Variants in KNTC1 observed in about 807,000 individuals in gnomAD.
KNTC1 encodes kinetochore associated 1.
Under a neutral mutation model 314.4 loss-of-function variants are expected in KNTC1, and 253 were observed. The ratio of observed to expected loss-of-function variants is 0.80; its 90% confidence interval spans 0.73 to 0.89. The LOEUF is 0.89. Ranked by LOEUF, KNTC1 falls within the 40% of genes least tolerant of loss-of-function variation. The pLI is 0.00. For synonymous variants in KNTC1, 901 were observed against 901.4 expected (o/e 1.00, Z 0.01); for missense variants, 2,475 against 2,572.9 (o/e 0.96, Z 0.82).
At position 122,572,977 on chromosome 12, in the gene KNTC1, C is replaced by T; in HGVS notation, c.2060C>T (p.Thr687Ile). The T allele has an allele frequency of 6.2e-7, 1 of 1,604,296 alleles. No individual in the cohort carries two copies. Among genetic ancestry groups the T allele is most frequent in the Non-Finnish European group, 8.5e-7 (1 of 1,173,618 alleles). Residue 687 changes from threonine (T) to isoleucine (I), a missense_variant, in exon 25 of 64, where the codon ACT becomes ATT. Thr to Ile is a moderately conservative substitution (Grantham distance 89). Coordinates refer to ENST00000333479, the MANE Select transcript of KNTC1 (RefSeq NM_014708.6). ...ACAGAGGAAGTATGTCAGCTAAGGA[C>T]TTTGGTAAATAACTTGCGAGAGTTG... ...QNTEEVCQLR[T>I]LVNNLRELIT...
intron 45 of KNTC1, chr12:122,602,346 G>T: frequency 2.7e-6 from 1 of 373,210 alleles, no homozygotes; most frequent in Non-Finnish European, 4.7e-6. Context: ...ACCAACAACA[G>T]GGCACCAGTG....
chr12:122,621,293 A>T (rs965660526), intron 60 of KNTC1, among the ~76,000 whole-genome samples: 21 of 151,564 alleles, frequency 1.4e-4, no homozygotes, highest in African/African-American at 4.9e-4. Flanking sequence ...CTGCAGGTAG[A>T]TATACCAGTA....
At position 122,579,994 on chromosome 12, in the gene KNTC1, T is replaced by G; in HGVS notation, c.2914+17T>G. 1 of 1,542,326 alleles carries G rather than the reference T, an allele frequency of 6.5e-7. No individual in the cohort carries two copies. The highest frequency in any genetic ancestry group is 9.0e-7 in the Non-Finnish European group (1 of 1,115,608). On this transcript the variant is annotated intron_variant, in intron 32 of 63. Transcript: ENST00000333479. ...TTCAGAAAGGTAGCTTTTACTTCTGTTTTCTCATCTCAGTTTTGTTCCAAA... is the reference window on the plus strand; with the variant it reads ...TTCAGAAAGGTAGCTTTTACTTCTGGTTTCTCATCTCAGTTTTGTTCCAAA...
At chr12:122,572,020 A>G (rs143378089) in intron 24 of KNTC1, among the ~76,000 whole-genome samples, 115 of 152,114 alleles carry the variant, frequency 7.6e-4, no homozygotes, top group African/African-American at 2.6e-3. Context: ...AACCAACCAA[A>G]AGGGGAACTA....
At chr12:122,585,508 C>A in intron 36 of KNTC1, 128 bp from the exon 37 acceptor site, 2 of 986,508 alleles carry the variant, frequency 2.0e-6, no homozygotes, top group Non-Finnish European at 3.0e-6. Context: ...TCCAGCAAGG[C>A]CTCCCTCGAC....
intron 34 of KNTC1, 23 bp from the exon 35 acceptor site, chr12:122,584,255 C>T (rs750961563): frequency 8.3e-6 from 13 of 1,570,788 alleles, no homozygotes; most frequent in African/African-American, 1.4e-5. Context: ...ATTCTAACTA[C>T]CAATACTTTC....
chr12:122,583,403 T>A (rs764449937), intron 34 of KNTC1, among the ~76,000 whole-genome samples: 2 of 152,198 alleles, frequency 1.3e-5, no homozygotes, highest in Non-Finnish European at 2.9e-5. Context: ...TCAGAGCATA[T>A]TTTGGGCCTC....
intron 59 of KNTC1, among the ~76,000 whole-genome samples, chr12:122,619,401 G>A (rs1166476651): frequency 6.9e-6 from 1 of 145,364 alleles, no homozygotes; most frequent in African/African-American, 2.6e-5. Flanking sequence ...GAGGCACTGC[G>A]CCCAGCAACA....
intron 13 of KNTC1, among the ~76,000 whole-genome samples, chr12:122,550,440 G>A (rs1052273277): frequency 1.3e-5 from 2 of 150,520 alleles, no homozygotes; most frequent in Non-Finnish European, 3.0e-5. Context: ...TTACTTTAAA[G>A]CTATTTTTTT....
chr12:122,548,090 A>C (rs1217190957), intron 12 of KNTC1, 121 bp downstream of exon 12: 3 of 562,418 alleles, frequency 5.3e-6, no homozygotes, highest in African/African-American at 4.0e-5. Flanking sequence ...GAAACTTGAC[A>C]ATCAGAAATA....
rs1382732751 is a variant in KNTC1, at chr12:122,557,368, C to T, written c.1273-16C>T. On this transcript the variant is annotated splice_polypyrimidine_tract_variant and intron_variant, in intron 16 of 63. Transcript: ENST00000333479. ...TTGTACTTCAAATTGCTTGATGTGG[C>T]GTGTTTATATTACAGCTTGTTTACA... The T allele has an allele frequency of 2.5e-6, 4 of 1,605,388 alleles. No homozygotes were observed. The highest frequency in any genetic ancestry group is 2.2e-5 in the South Asian group (2 of 89,746).
chr12:122,587,863 T>C lies in KNTC1; in HGVS notation c.3883T>C (p.Leu1295=), dbSNP rs753537256. ...HSVSNFMNAT[L]SEKLFGETTL... ...TGTGTCAAACTTCATGAATGCCACT[T>C]TGAGTGAAAAGGTATAGTGTCAAGA... is the stretch of plus-strand genomic sequence containing the variant. Residue 1295 remains leucine (L), a synonymous_variant, in exon 39 of 64, where the codon TTG becomes CTG. Coordinates refer to ENST00000333479, the MANE Select transcript of KNTC1 (RefSeq NM_014708.6). 1 of 1,613,462 alleles carries C rather than the reference T, an allele frequency of 6.2e-7. No individual in the cohort carries two copies. The highest frequency in any genetic ancestry group is 1.1e-5 in the South Asian group (1 of 90,934).
At chr12:122,579,824 T>C (rs1315509018) in intron 31 of KNTC1, 81 bp from the exon 32 acceptor site, 1 of 908,562 alleles carries the variant, frequency 1.1e-6, no homozygotes, top group Non-Finnish European at 1.7e-6. Context: ...GCTTCTGTGG[T>C]TTTTGTGTAT....
chr12:122,549,684 C>A, intron 12 of KNTC1, 82 bp from the exon 13 acceptor site: 1 of 742,286 alleles, frequency 1.3e-6, no homozygotes, highest in Non-Finnish European at 2.4e-6. Context: ...GTGTTTTAAT[C>A]TGCTCTTAAT....
At chr12:122,563,640 G>T in intron 20 of KNTC1, 1 of 564,612 alleles carries the variant, frequency 1.8e-6, no homozygotes, top group Non-Finnish European at 2.6e-6. Context: ...AGCGAGAAGG[G>T]CAGATCTCCA....
intron 19 of KNTC1, among the ~76,000 whole-genome samples, 157 bp from the exon 20 acceptor site, chr12:122,562,467 GTGTGTGTGTGTGTA>G (rs1964039157): frequency 1.5e-5 from 2 of 134,078 alleles, no homozygotes; most frequent in African/African-American, 5.2e-5. Flanking sequence ...GTGTGTGTGT[GTGTGTGTGTGTGTA>G]TGTGTGTGAA....
rs1869159493 is a variant in KNTC1, at chr12:122,585,634, A to G, written c.3535-2A>G. 1.2e-6 allele frequency: 2 copies of G among 1,613,578 alleles called. No individual in the cohort carries two copies. The highest frequency in any genetic ancestry group is 1.1e-5 in the South Asian group (1 of 91,062). On this transcript the variant is annotated splice_acceptor_variant, in intron 36 of 63. Transcript: ENST00000333479. LOFTEE classifies it high-confidence loss of function. ...CTCTTTTTTGTATGATTTGGCACCT[A>G]GGCTTCTTTTGGGACACATAAAGAT...
chr12:122,544,031 A>G (rs1339478348), intron 7 of KNTC1, 128 bp from the exon 8 acceptor site: 3 of 471,724 alleles, frequency 6.4e-6, no homozygotes, highest in Middle Eastern at 5.5e-4. Context: ...CCTGGGCAAC[A>G]AGAGCAAAAC....
chr12:122,548,704 A>G (rs1038697911), intron 12 of KNTC1, among the ~76,000 whole-genome samples: 2 of 152,108 alleles, frequency 1.3e-5, no homozygotes, highest in Non-Finnish European at 2.9e-5. Context: ...GCGTTGGCTC[A>G]CACCTGTAAT....
Sources: gnomAD v4.1 joint callset for allele counts (sites outside exome capture counted in the v4.1 genomes callset) on GRCh38, gnomAD v4.1.1 for gene constraint, MANE v1.5 for transcripts, NCBI Gene and HGNC (gene_info 2026-07-23, HGNC 2026-07-21) for gene names.